UBAC2: variants seen among roughly 807,000 people sequenced by gnomAD.
The protein encoded by UBAC2 is ubiquitin-associated domain-containing protein 2.
In UBAC2, 26 loss-of-function variants were observed where a neutral mutation model predicts 44.0. The observed-to-expected ratio is 0.59, with a 90% confidence interval of 0.43 to 0.82. The LOEUF (loss-of-function observed/expected upper bound fraction) is 0.82. Ranked by LOEUF, UBAC2 falls within the 40% of genes least tolerant of loss-of-function variation. The probability of loss-of-function intolerance (pLI) is 0.00; values close to 1 mark genes in which losing one functional copy is unlikely to be tolerated. For synonymous variants in UBAC2, 155 were observed against 154.3 expected (o/e 1.00, Z -0.04); for missense variants, 329 against 419.4 (o/e 0.78, Z 1.88).
At chr13:99,215,218 G>C (rs1194039915) in intron 1 of UBAC2, among the ~76,000 whole-genome samples, 1 of 152,140 alleles carries the variant, frequency 6.6e-6, no homozygotes, top group Non-Finnish European at 1.5e-5. Flanking sequence ...CAGAAATTTG[G>C]TTGGAAAGCT....
At chr13:99,294,197 A>C (rs1275256227) in intron 4 of UBAC2, among the ~76,000 whole-genome samples, 1 of 152,152 alleles carries the variant, frequency 6.6e-6, no homozygotes, top group Non-Finnish European at 1.5e-5. Flanking sequence ...AACCATTGAA[A>C]TACAGATGTA....
chr13:99,210,529 G>A (rs888710564), intron 1 of UBAC2, among the ~76,000 whole-genome samples: 2 of 144,902 alleles, frequency 1.4e-5, no homozygotes, highest in African/African-American at 5.2e-5. Flanking sequence ...CCATGCTGGA[G>A]TGCAATGGTG....
chr13:99,247,869 C>CTTT (rs1211740806), intron 4 of UBAC2, among the ~76,000 whole-genome samples: 2 of 102,372 alleles, frequency 2.0e-5, no homozygotes, highest in African/African-American at 5.5e-5. Flanking sequence ...AATTCTCTCT[C>CTTT]TCTCTTTTTT....
In UBAC2 at chr13:99,219,426, A is replaced by G. The variant is rs149896083; in HGVS notation, c.31+18487A>G. 1.1e-3 allele frequency among the ~76,000 whole-genome samples: 174 copies of G among 152,332 alleles called. 1 individual carries two copies. The East Asian group carries it at 0.013, about 12-fold the overall frequency. On this transcript the variant is annotated intron_variant, in intron 1 of 8. Coordinates refer to ENST00000403766, the MANE Select transcript of UBAC2 (RefSeq NM_001144072.2). ...TGTTGTGCAATTAACAGCAACCACA[A>G]TTTAATTGCAGAACATTTTATCACG...
chr13:99,326,764 T>C (rs545076185), intron 6 of UBAC2, among the ~76,000 whole-genome samples: 2 of 152,286 alleles, frequency 1.3e-5, no homozygotes, highest in South Asian at 4.1e-4. Context: ...CACCTTACAC[T>C]GCACATCTCA....
At chr13:99,248,116 C>T (rs1391733505) in intron 4 of UBAC2, among the ~76,000 whole-genome samples, 1 of 152,160 alleles carries the variant, frequency 6.6e-6, no homozygotes, top group Non-Finnish European at 1.5e-5. Context: ...CTATCTTGCC[C>T]ACTTTCTTGA....
intron 8 of UBAC2, 105 bp downstream of exon 8, chr13:99,368,011 A>T: frequency 2.3e-6 from 3 of 1,315,308 alleles, no homozygotes; most frequent in African/African-American, 1.5e-5. Context: ...AAATACAAAG[A>T]TGGTGACAGC....
chr13:99,310,539 CATT>C (rs1338562594), intron 4 of UBAC2, among the ~76,000 whole-genome samples: 1 of 152,162 alleles, frequency 6.6e-6, no homozygotes, highest in African/African-American at 2.4e-5. Flanking sequence ...TGACTAATAA[CATT>C]ATGGTATTTT....
Position 99,295,156 on chromosome 13 carries a change from C to A in UBAC2, c.390-18941C>A. On this transcript the variant is annotated intron_variant, in intron 4 of 8. Transcript: ENST00000403766. The surrounding 1 kb of genome is among the most constrained non-coding windows in gnomAD (Gnocchi z 4.1). The stretch of plus-strand genomic sequence containing the variant: ...GGGCTGACTTCACAGCACTAGAAAT[C>A]GATACACTGACTTGCCGTTTCAGCA... 6.2e-7 allele frequency: 1 copy of A among 1,614,096 alleles called. No individual in the cohort carries two copies. Among genetic ancestry groups the A allele is most frequent in the South Asian group, 1.1e-5 (1 of 91,084 alleles).
intron 8 of UBAC2, among the ~76,000 whole-genome samples, chr13:99,375,801 C>CTTTTTTT (rs34318354): frequency 5.4e-5 from 6 of 110,888 alleles, no homozygotes; most frequent in African/African-American, 1.1e-4. Flanking sequence ...TCCTTTTTCC[C>CTTTTTTT]TTTTTTTTTT....
chr13:99,297,729 C>T (rs1887703), intron 4 of UBAC2, among the ~76,000 whole-genome samples: 38,002 of 151,444 alleles, frequency 0.25, 5,943 homozygotes, highest in Non-Finnish European at 0.34. Context: ...GTAGAAAACA[C>T]AAGAGGGTAG....
At position 99,200,866 on chromosome 13, in the gene UBAC2, C is replaced by G; in HGVS notation, c.-43C>G. On this transcript the variant is annotated 5_prime_UTR_variant, in exon 1 of 9. Transcript: ENST00000403766. ...GTCGCTGGGGCTCGCACTTCAGCTT[C>G]CCCTCCCCCGGCGCCCTCTGGGGCT... 1 of 1,283,744 alleles carries G rather than the reference C, an allele frequency of 7.8e-7. No homozygotes were observed. Among genetic ancestry groups the G allele is most frequent in the Non-Finnish European group, 9.9e-7 (1 of 1,005,374 alleles). 79.5% of individuals were successfully genotyped at this position (1,283,744 alleles called of 1,614,324 possible).
chr13:99,376,643 A>G (rs1021988661), intron 8 of UBAC2, among the ~76,000 whole-genome samples: 1 of 152,164 alleles, frequency 6.6e-6, no homozygotes, highest in Non-Finnish European at 1.5e-5. Flanking sequence ...AATAAGAAAT[A>G]AGTAGATGTG....
intron 4 of UBAC2, 121 bp from the exon 5 acceptor site, chr13:99,313,976 A>G: frequency 2.2e-6 from 2 of 895,046 alleles, no homozygotes; most frequent in South Asian, 2.0e-5. Context: ...ATCAATATGT[A>G]TATCTAAGAC....
At chr13:99,241,369 A>G (rs1437798161) in intron 2 of UBAC2, among the ~76,000 whole-genome samples, 1 of 152,212 alleles carries the variant, frequency 6.6e-6, no homozygotes, top group East Asian at 1.9e-4. Context: ...TAACAGATAC[A>G]TGGATAAACA....
At chr13:99,353,784 G>A (rs566994504) in intron 7 of UBAC2, among the ~76,000 whole-genome samples, 2 of 152,100 alleles carry the variant, frequency 1.3e-5, no homozygotes, top group Non-Finnish European at 2.9e-5. Context: ...TCTTAATGAG[G>A]AACAGACCAC....
intron 4 of UBAC2, chr13:99,258,519 AAGAT>A (rs2043607921): frequency 6.6e-6 from 1 of 152,228 alleles, no homozygotes; most frequent in Non-Finnish European, 1.5e-5. Context: ...GCATATATTT[AAGAT>A]AATTATATAC....
chr13:99,261,589 G>A (rs1016622798), intron 4 of UBAC2: 1 of 152,144 alleles, frequency 6.6e-6, no homozygotes, highest in Non-Finnish European at 1.5e-5. Flanking sequence ...TAGTTTTAAA[G>A]ATGTATAGAC....
intron 1 of UBAC2, chr13:99,201,224 GCAGGT>G: frequency 7.0e-7 from 1 of 1,427,796 alleles, no homozygotes; most frequent in Non-Finnish European, 9.2e-7. Flanking sequence ...CTGCAAGTGG[GCAGGT>G]GCCCTGGTGT....
Sources: gnomAD v4.1 joint callset for allele counts (sites outside exome capture counted in the v4.1 genomes callset) on GRCh38, gnomAD v4.1.1 for gene constraint, Gnocchi (gnomAD v3.1) non-coding constraint, MANE v1.5 for transcripts, NCBI Gene and HGNC (gene_info 2026-07-23, HGNC 2026-07-21) for gene names.